Variants in SMCO4 observed in about 807,000 individuals in gnomAD.
The protein encoded by SMCO4 is single-pass membrane and coiled-coil domain-containing protein 4.
SMCO4 carries 4 observed loss-of-function variants against 3.6 expected under a neutral mutation model. That is an observed-to-expected ratio of 1.11 (90% CI 0.54 to 2.53). The LOEUF is 2.53. SMCO4 is among the 30% of genes most tolerant of loss of function. The probability of loss-of-function intolerance (pLI) is 0.02; values close to 1 mark genes in which losing one functional copy is unlikely to be tolerated. For missense variants in SMCO4, 70 were observed against 80.8 expected (o/e 0.87, Z 0.51); for synonymous variants, 36 against 35.3 (o/e 1.02, Z -0.07).
chr11:93,521,085 A>T (rs1949053838), intron 1 of SMCO4, among the ~76,000 whole-genome samples: 1 of 152,254 alleles, frequency 6.6e-6, no homozygotes, highest in Admixed American at 6.5e-5. Context: ...TTATATTCTC[A>T]GATTCCACAT....
At chr11:93,494,605 C>G (rs11603540) in intron 2 of SMCO4, among the ~76,000 whole-genome samples, 17,518 of 152,222 alleles carry the variant, frequency 0.12, 1,295 homozygotes, top group Non-Finnish European at 0.17. Flanking sequence ...GAAACTCCAG[C>G]AGGGCACTAA....
At chr11:93,510,165 G>T (rs1948944479) in intron 1 of SMCO4, among the ~76,000 whole-genome samples, 1 of 152,180 alleles carries the variant, frequency 6.6e-6, no homozygotes. Context: ...GTACAGGTCT[G>T]GTGAAGGGCA....
chr11:93,547,787 G>A (rs565948140), upstream of SMCO4, among the ~76,000 whole-genome samples: 24 of 152,280 alleles, frequency 1.6e-4, no homozygotes, highest in South Asian at 4.8e-3. Flanking sequence ...ATGAGTGTAG[G>A]CTGTGGAAGA....
chr11:93,547,491 G>A (rs1345808654), upstream of SMCO4, among the ~76,000 whole-genome samples: 1 of 151,972 alleles, frequency 6.6e-6, no homozygotes, highest in Non-Finnish European at 1.5e-5. Flanking sequence ...GACACTCCTT[G>A]TTTTTTTCAC....
At chr11:93,489,459 C>T (rs71480681) in intron 2 of SMCO4, among the ~76,000 whole-genome samples, 17,516 of 152,146 alleles carry the variant, frequency 0.12, 1,299 homozygotes, top group Non-Finnish European at 0.17. Context: ...GTCCAGGAGG[C>T]GATGACTGAA....
At chr11:93,501,257 AAGAG>A (rs1948835427) in intron 1 of SMCO4, among the ~76,000 whole-genome samples, 1 of 152,186 alleles carries the variant, frequency 6.6e-6, no homozygotes, top group Admixed American at 6.5e-5. Context: ...CAATATGAGA[AAGAG>A]AGAGCCAAGC....
intron 1 of SMCO4, among the ~76,000 whole-genome samples, chr11:93,514,538 G>A (rs770737029): frequency 1.7e-4 from 26 of 150,672 alleles, no homozygotes; most frequent in Non-Finnish European, 3.2e-4. Context: ...CCAATCCTCT[G>A]CCACCCTCCA....
At chr11:93,537,706 A>G (rs2134639503) in intron 1 of SMCO4, 1 of 151,908 alleles carries the variant, frequency 6.6e-6, no homozygotes, top group East Asian at 2.0e-4. Context: ...ACGGGTTCTT[A>G]CCCCACAAAA....
At chr11:93,480,154 C>G (rs2658798) in intron 2 of SMCO4, among the ~76,000 whole-genome samples, 51,436 of 152,112 alleles carry the variant, frequency 0.34, 9,045 homozygotes, top group East Asian at 0.58. Context: ...TGATTTAAAT[C>G]GAGTTTACTT....
the SMCO4 span, among the ~76,000 whole-genome samples, chr11:93,548,736 A>G: frequency 6.6e-6 from 1 of 152,190 alleles, no homozygotes; most frequent in Admixed American, 6.5e-5. Flanking sequence ...GAAAACACAC[A>G]AACAAAGCAA....
At chr11:93,507,579 TG>T (rs1462225828) in intron 1 of SMCO4, among the ~76,000 whole-genome samples, 1 of 152,230 alleles carries the variant, frequency 6.6e-6, no homozygotes, top group Non-Finnish European at 1.5e-5. Context: ...TAATGATGCA[TG>T]ATGTTACAAA....
intron 1 of SMCO4, chr11:93,535,833 T>C: frequency 1.3e-6 from 2 of 1,599,350 alleles, no homozygotes; most frequent in Non-Finnish European, 1.7e-6. Flanking sequence ...GGACATACAT[T>C]TCCTGCTTTC....
chr11:93,540,316 A>T lies in SMCO4; in HGVS notation c.-154+2960T>A, dbSNP rs1405179643. 2.0e-5 allele frequency among the ~76,000 whole-genome samples: 3 copies of T among 152,212 alleles called. No homozygotes were observed. In the East Asian group the frequency reaches 5.8e-4, roughly 29 times the overall value. On this transcript the variant is annotated intron_variant, in intron 1 of 2. Transcript: ENST00000298966. ...CAATTAGTGGGTACATTTCTTGAATATAAGACAGACAGTATTATCCTGATT... is the reference window on the plus strand; with the variant it reads ...CAATTAGTGGGTACATTTCTTGAATTTAAGACAGACAGTATTATCCTGATT...
rs71064754 is a variant in SMCO4, at chr11:93,534,215, TACACACACAC to T, written c.-154+9051_-154+9060del. ...CAAAAAAAAAAAAAAAATATATATA[TACACACACAC>T]ACACACACACACACACACACACACA... On this transcript the variant is annotated intron_variant, in intron 1 of 2. Coordinates refer to ENST00000298966, the MANE Select transcript of SMCO4 (RefSeq NM_020179.3). Among the ~76,000 whole-genome samples the T allele has an allele frequency of 1.0e-3, 131 of 128,406 alleles. 1 individual carries two copies. Among genetic ancestry groups the T allele is most frequent in the Middle Eastern group, 4.1e-3 (1 of 242 alleles). 84.2% of individuals were successfully genotyped at this position (128,406 alleles called of 152,430 possible). A position where few individuals can be genotyped will look rare whatever the true frequency, so the allele number is the denominator to read the frequency against.
rs187555410 is a variant in SMCO4, at chr11:93,510,223, C to A, written c.-153-10875G>T. Among the ~76,000 whole-genome samples the A allele has an allele frequency of 5.5e-4, 83 of 152,276 alleles. 1 individual carries two copies. Among genetic ancestry groups the A allele is most frequent in the Admixed American group, 5.0e-3 (77 of 15,292 alleles). ...CAATTAGTATCACCCTAGTTATGAC[C>A]GCAGGGCCAAAGTGGGACCTACAGT... On this transcript the variant is annotated intron_variant, in intron 1 of 2. Coordinates refer to ENST00000298966, the MANE Select transcript of SMCO4 (RefSeq NM_020179.3).
chr11:93,516,443 A>G (rs1387674549), intron 1 of SMCO4, among the ~76,000 whole-genome samples: 1 of 152,240 alleles, frequency 6.6e-6, no homozygotes, highest in Non-Finnish European at 1.5e-5. Context: ...AACCACCAAT[A>G]TATAAAAGGT....
chr11:93,535,653 T>C lies in SMCO4; in HGVS notation c.-154+7623A>G, dbSNP rs1288163094. On this transcript the variant is annotated intron_variant, in intron 1 of 2. Coordinates refer to ENST00000298966, the MANE Select transcript of SMCO4 (RefSeq NM_020179.3). ...ACAAGTGTCTGTTAAGAGCTACCGA[T>C]GGGAAAAAGAAGATCAGCACAGTGG... 2.6e-5 allele frequency: 42 copies of C among 1,603,518 alleles called. No homozygotes were observed. In the South Asian group the frequency reaches 3.6e-4, roughly 14 times the overall value.
chr11:93,503,513 T>G (rs555732275), intron 1 of SMCO4, among the ~76,000 whole-genome samples: 1 of 152,320 alleles, frequency 6.6e-6, no homozygotes, highest in South Asian at 2.1e-4. Context: ...AAATGTTATC[T>G]TAGGTGGAAA....
chr11:93,522,928 C>A (rs572309125), intron 1 of SMCO4, among the ~76,000 whole-genome samples: 1 of 152,276 alleles, frequency 6.6e-6, no homozygotes, highest in East Asian at 1.9e-4. Context: ...ATCTCCCCTA[C>A]GAGATGCTAA....
Sources: gnomAD v4.1 joint callset for allele counts (sites outside exome capture counted in the v4.1 genomes callset) on GRCh38, gnomAD v4.1.1 for gene constraint, MANE v1.5 for transcripts, NCBI Gene and HGNC (gene_info 2026-07-23, HGNC 2026-07-21) for gene names.